Variants in PDGFC observed in about 807,000 individuals in gnomAD.
PDGFC encodes platelet derived growth factor C, also known as platelet-derived growth factor C.
PDGFC carries 12 observed loss-of-function variants against 35.5 expected under a neutral mutation model. The ratio of observed to expected loss-of-function variants is 0.34; its 90% CI spans 0.22 to 0.55. The LOEUF is 0.55. Among genes scored for constraint, PDGFC ranks in the 20% least tolerant of loss-of-function variants. The probability of loss-of-function intolerance (pLI) is 0.91; values close to 1 mark genes in which losing one functional copy is unlikely to be tolerated. For synonymous variants in PDGFC, 159 were observed against 148.8 expected, an observed-to-expected ratio of 1.07 and a Z score of -0.50; for missense variants, 322 against 412.4, an observed-to-expected ratio of 0.78 and a Z score of 1.90.
chr4:156,772,942 A>G, intron 3 of PDGFC, 49 bp from the exon 4 acceptor site: 1 of 1,258,248 alleles, frequency 7.9e-7, no homozygotes, highest in Non-Finnish European at 1.2e-6. Context: ...ACGACAATGT[A>G]TTCCTTCTGG....
chr4:156,924,749 CT>C (rs1445978456), intron 1 of PDGFC, among the ~76,000 whole-genome samples: 1 of 152,170 alleles, frequency 6.6e-6, no homozygotes, highest in African/African-American at 2.4e-5. Context: ...CATTTCTGAG[CT>C]ATGCACCTAA....
intron 2 of PDGFC, among the ~76,000 whole-genome samples, chr4:156,842,793 C>T (rs1251712987): frequency 6.6e-6 from 1 of 152,114 alleles, no homozygotes; most frequent in Non-Finnish European, 1.5e-5. Flanking sequence ...ATCTGTAACC[C>T]ACCTGTTATT....
chr4:156,816,164 T>G (rs1732079994), intron 2 of PDGFC, among the ~76,000 whole-genome samples: 1 of 152,220 alleles, frequency 6.6e-6, no homozygotes, highest in Non-Finnish European at 1.5e-5. Context: ...AGGCTGTTTC[T>G]AGTTCATGCT....
intron 1 of PDGFC, among the ~76,000 whole-genome samples, chr4:156,879,077 G>C (rs925606468): frequency 6.6e-6 from 1 of 152,134 alleles, no homozygotes; most frequent in Non-Finnish European, 1.5e-5. Flanking sequence ...ACTGTCAGTT[G>C]TCTTATGAGG....
intron 3 of PDGFC, among the ~76,000 whole-genome samples, chr4:156,776,548 G>GC (rs1730835853): frequency 6.6e-6 from 1 of 152,210 alleles, no homozygotes; most frequent in African/African-American, 2.4e-5. Context: ...TGAGGGTGTG[G>GC]CCCTAGCCTA....
At chr4:156,900,308 T>C (rs1189743158) in intron 1 of PDGFC, among the ~76,000 whole-genome samples, 2 of 152,202 alleles carry the variant, frequency 1.3e-5, no homozygotes, top group Non-Finnish European at 1.5e-5. Context: ...AGCAATGCCA[T>C]GCATTTAATG....
At chr4:156,799,025 T>C (rs1417502454) in intron 3 of PDGFC, among the ~76,000 whole-genome samples, 2 of 152,186 alleles carry the variant, frequency 1.3e-5, no homozygotes, top group Admixed American at 6.5e-5. Flanking sequence ...TCTTAGATAA[T>C]TGCTACCTCA....
At chr4:156,928,733 G>A (rs1731477756) in intron 1 of PDGFC, among the ~76,000 whole-genome samples, 1 of 152,192 alleles carries the variant, frequency 6.6e-6, no homozygotes. Flanking sequence ...CTTTTATGGT[G>A]TTAAAGACTG....
At chr4:156,873,743 T>G (rs147878334) in intron 1 of PDGFC, among the ~76,000 whole-genome samples, 1 of 152,360 alleles carries the variant, frequency 6.6e-6, no homozygotes, top group African/African-American at 2.4e-5. Context: ...TTCATTGTTT[T>G]AATCCCAAGA....
chr4:156,790,947 T>C (rs1416629987), intron 3 of PDGFC, among the ~76,000 whole-genome samples: 2 of 152,176 alleles, frequency 1.3e-5, no homozygotes, highest in Admixed American at 6.5e-5. Flanking sequence ...ACATCCTACA[T>C]TGGCATCAAT....
intron 1 of PDGFC, among the ~76,000 whole-genome samples, chr4:156,915,503 C>A (rs1731137212): frequency 6.6e-6 from 1 of 152,132 alleles, no homozygotes; most frequent in Admixed American, 6.6e-5. Context: ...ATTTTCAGTT[C>A]TTGAAAACAA....
rs1409654807 is a variant in PDGFC at position 156,960,261 on chromosome 4, T to C, written c.118+10525A>G. 8.1e-5 allele frequency among the ~76,000 whole-genome samples: 12 copies of C among 147,630 alleles called. No individual in the cohort carries two copies. The Admixed American group carries it at 8.1e-4, about 10-fold the overall frequency. ...GATATATATATAACTGTTATATATA[T>C]ATATATATATATAAAACTATAAATT... On this transcript the variant is annotated intron_variant, in intron 1 of 5. Coordinates refer to ENST00000502773, the MANE Select transcript of PDGFC (RefSeq NM_016205.3).
intron 1 of PDGFC, among the ~76,000 whole-genome samples, chr4:156,928,137 C>T (rs548563960): frequency 6.6e-6 from 1 of 152,282 alleles, no homozygotes; most frequent in African/African-American, 2.4e-5. Flanking sequence ...AATTATTTCC[C>T]ACCAGGTCCC....
chr4:156,927,455 C>T (rs1015723408), intron 1 of PDGFC, among the ~76,000 whole-genome samples: 2 of 152,128 alleles, frequency 1.3e-5, no homozygotes, highest in African/African-American at 2.4e-5. Flanking sequence ...AAATTGAATG[C>T]TTTTAACAGC....
intron 1 of PDGFC, among the ~76,000 whole-genome samples, chr4:156,933,811 C>T (rs749906840): frequency 1.3e-5 from 2 of 152,202 alleles, no homozygotes; most frequent in South Asian, 2.1e-4. Context: ...GCACTTTCCC[C>T]GCCTCTCTCT....
intron 3 of PDGFC, among the ~76,000 whole-genome samples, chr4:156,789,992 A>AG (rs1223561251): frequency 1.4e-5 from 2 of 145,972 alleles, no homozygotes; most frequent in Non-Finnish European, 3.0e-5. Flanking sequence ...AAAAAAAAAA[A>AG]AAAAAAGAAA....
intron 1 of PDGFC, among the ~76,000 whole-genome samples, chr4:156,897,068 G>T (rs2110744880): frequency 6.6e-6 from 1 of 152,206 alleles, no homozygotes; most frequent in South Asian, 2.1e-4. Flanking sequence ...CAGTAATAAA[G>T]AAATCTTAAA....
At chr4:156,789,651 A>C (rs1731234425) in intron 3 of PDGFC, among the ~76,000 whole-genome samples, 1 of 152,204 alleles carries the variant, frequency 6.6e-6, no homozygotes, top group African/African-American at 2.4e-5. Context: ...AATCTGAAGA[A>C]GTAAAGACTT....
At chr4:156,830,148 T>C (rs1728892514) in intron 2 of PDGFC, among the ~76,000 whole-genome samples, 1 of 151,916 alleles carries the variant, frequency 6.6e-6, no homozygotes, top group Non-Finnish European at 1.5e-5. Context: ...AGTATTTTTA[T>C]ATAAAGTAGA....
Sources: gnomAD v4.1 joint callset for allele counts (sites outside exome capture counted in the v4.1 genomes callset) on GRCh38, gnomAD v4.1.1 for gene constraint, MANE v1.5 for transcripts, NCBI Gene and HGNC (gene_info 2026-07-23, HGNC 2026-07-21) for gene names.